Variants in SPRED2 observed in about 807,000 individuals in gnomAD.
The protein encoded by SPRED2 is sprouty related EVH1 domain containing 2.
In SPRED2, 47 loss-of-function variants were observed where a neutral mutation model predicts 43.0. That is an observed-to-expected ratio of 1.09 (90% CI 0.87 to 1.40). SPRED2 has a LOEUF of 1.40. Ranked by LOEUF, SPRED2 falls within the 40% of genes most tolerant of loss-of-function variation. The pLI, the probability that SPRED2 is intolerant of heterozygous loss-of-function variation, is 0.00. For missense variants in SPRED2, 561 were observed against 586.4 expected, an observed-to-expected ratio of 0.96 and a Z score of 0.45; for synonymous variants, 225 against 225.7, an observed-to-expected ratio of 1.00 and a Z score of 0.03.
At chr2:65,354,846 A>G (rs886073217) in intron 1 of SPRED2, among the ~76,000 whole-genome samples, 1 of 152,224 alleles carries the variant, frequency 6.6e-6, no homozygotes, top group Admixed American at 6.5e-5. Flanking sequence ...TAGCTTCAGC[A>G]CACAGGCAGC....
rs1401345926 is a variant in SPRED2 at position 65,313,334 on chromosome 2, C to T, written c.*167G>A. The T allele has an allele frequency of 2.1e-6, 3 of 1,461,200 alleles. No individual in the cohort carries two copies. The African/African-American group carries it at 4.3e-5, about 21-fold the overall frequency. The allele number at this position is 1,461,200 out of a possible 1,614,324, so 90.5% of individuals were successfully genotyped here. A position where few individuals can be genotyped will look rare whatever the true frequency, so the allele number is the denominator to read the frequency against. Reference sequence around the variant, plus strand: ...GGCGGCAGGGGGAGTGGAGAGTCTACCCGGCAGCGTCCCTGGCTGGAATGG... The same window carrying T: ...GGCGGCAGGGGGAGTGGAGAGTCTATCCGGCAGCGTCCCTGGCTGGAATGG... On this transcript the variant is annotated 3_prime_UTR_variant, in exon 6 of 6. Coordinates refer to ENST00000356388, the MANE Select transcript of SPRED2 (RefSeq NM_181784.3).
chr2:65,378,431 C>A (rs1675295724), intron 1 of SPRED2, among the ~76,000 whole-genome samples: 1 of 152,152 alleles, frequency 6.6e-6, no homozygotes. Flanking sequence ...CTGCAGTCCA[C>A]CCCCTCCATA....
chr2:65,312,715 A>C lies in SPRED2; in HGVS notation c.*786T>G. On this transcript the variant is annotated 3_prime_UTR_variant, in exon 6 of 6. Coordinates refer to ENST00000356388, the MANE Select transcript of SPRED2 (RefSeq NM_181784.3). The stretch of plus-strand genomic sequence containing the variant: ...GAAATCCCCATTCTAGCCCTGGTCC[A>C]AGAGGATGCAATGCAGTTGAAGGAA... 1.0e-6 allele frequency: 1 copy of C among 985,868 alleles called. No individual in the cohort carries two copies. The highest frequency in any genetic ancestry group is 1.2e-6 in the Non-Finnish European group (1 of 829,934). The allele number at this position is 985,868 out of a possible 1,614,324, so 61.1% of individuals were successfully genotyped here.
At chr2:65,401,818 T>C (rs796608313) in intron 1 of SPRED2, among the ~76,000 whole-genome samples, 1 of 150,920 alleles carries the variant, frequency 6.6e-6, no homozygotes, top group African/African-American at 2.4e-5. Context: ...AATAAATAAA[T>C]AAATAAAAAA....
chr2:65,337,302 G>A (rs546130915), intron 2 of SPRED2, among the ~76,000 whole-genome samples: 2 of 151,924 alleles, frequency 1.3e-5, no homozygotes, highest in South Asian at 2.1e-4. Flanking sequence ...GTTTTGGCAC[G>A]CACACAATTA....
intron 4 of SPRED2, among the ~76,000 whole-genome samples, chr2:65,326,422 C>T (rs566117259): frequency 5.9e-5 from 9 of 152,316 alleles, no homozygotes; most frequent in Admixed American, 3.9e-4. Context: ...CAGGTAGCTC[C>T]GGCTCATCTG....
intron 1 of SPRED2, among the ~76,000 whole-genome samples, chr2:65,366,117 G>A (rs1198491639): frequency 2.6e-5 from 4 of 152,064 alleles, no homozygotes; most frequent in Non-Finnish European, 5.9e-5. Context: ...CGCATCATGG[G>A]GGTAGGAAAA....
downstream of SPRED2, among the ~76,000 whole-genome samples, chr2:65,307,702 T>C (rs1672969160): frequency 1.3e-5 from 2 of 152,182 alleles, no homozygotes; most frequent in Admixed American, 6.5e-5. Flanking sequence ...ACGGCACCAA[T>C]AGCACCAGTG....
At chr2:65,384,072 C>T (rs1675436627) in intron 1 of SPRED2, among the ~76,000 whole-genome samples, 1 of 150,748 alleles carries the variant, frequency 6.6e-6, no homozygotes, top group Admixed American at 6.6e-5. Flanking sequence ...ACTTCTTTCT[C>T]CTGCATTCTT....
chr2:65,414,988 G>C (rs1676241013), intron 1 of SPRED2, among the ~76,000 whole-genome samples: 1 of 152,158 alleles, frequency 6.6e-6, no homozygotes. Flanking sequence ...GGTAGACACA[G>C]AGTCTTGCTA....
At chr2:65,347,445 GACA>G (rs960740183) in intron 1 of SPRED2, among the ~76,000 whole-genome samples, 13 of 152,056 alleles carry the variant, frequency 8.5e-5, no homozygotes, top group Non-Finnish European at 1.8e-4. Flanking sequence ...GTCCCCCAAA[GACA>G]ACTTCACATG....
chr2:65,360,667 C>T (rs549294323), intron 1 of SPRED2, among the ~76,000 whole-genome samples: 75 of 152,000 alleles, frequency 4.9e-4, no homozygotes, highest in African/African-American at 1.7e-3. Context: ...TTGCCAGAGG[C>T]GGGGGGCTGG....
At chr2:65,419,744 T>C (rs570774968) in intron 1 of SPRED2, among the ~76,000 whole-genome samples, 3 of 152,312 alleles carry the variant, frequency 2.0e-5, no homozygotes, top group Admixed American at 2.0e-4. Flanking sequence ...GTAATACATA[T>C]GCTTGGGAGA....
chr2:65,345,168 T>G (rs1227484842), intron 1 of SPRED2, among the ~76,000 whole-genome samples: 1 of 152,128 alleles, frequency 6.6e-6, no homozygotes, highest in Non-Finnish European at 1.5e-5. Context: ...TTCTCCAGTT[T>G]CTAGGTGTAA....
chr2:65,334,721 G>T lies in SPRED2; in HGVS notation c.257C>A (p.Pro86Gln). 6.2e-7 allele frequency: 1 copy of T among 1,614,160 alleles called. No homozygotes were observed. Among genetic ancestry groups the T allele is most frequent in the Non-Finnish European group, 8.5e-7 (1 of 1,180,034 alleles). Residue 86 changes from proline (P) to glutamine (Q), a missense_variant, in exon 3 of 6, where the codon CCA becomes CAA. This residue lies in a region of SPRED2 where 305 missense variants were observed against 282.4 expected (regional missense o/e 1.08). Transcript: ENST00000356388. ...ATCGACCTTCCAGTGATGAAACGTTGGATTGGCTTTGGTGTAGACCAAGTC... is the reference window on the plus strand; with the variant it reads ...ATCGACCTTCCAGTGATGAAACGTTTGATTGGCTTTGGTGTAGACCAAGTC... ...RKDLVYTKANPTFHHWKVDNR... is the reference protein window; with the variant it reads ...RKDLVYTKANQTFHHWKVDNR...
chr2:65,421,024 C>A (rs1031438693), intron 1 of SPRED2, among the ~76,000 whole-genome samples: 3 of 152,188 alleles, frequency 2.0e-5, no homozygotes, highest in Non-Finnish European at 4.4e-5. Context: ...AGGGCGGCAG[C>A]CTTTCCGTGC....
rs752613258 is a variant in SPRED2 at position 65,404,074 on chromosome 2, G to A, written c.26+27888C>T. ...ACAAAAACTAGCTGGGCATGGTGGC[G>A]GATGCCTGTAGTCCCAGCTACTCAG... On this transcript the variant is annotated intron_variant, in intron 1 of 5. Coordinates refer to ENST00000356388, the MANE Select transcript of SPRED2 (RefSeq NM_181784.3). Among the ~76,000 whole-genome samples, 2 of 151,926 alleles carry A rather than the reference G, an allele frequency of 1.3e-5. 1 individual carries two copies. The highest frequency in any genetic ancestry group is 1.3e-4 in the Admixed American group (2 of 15,242).
At chr2:65,310,776 T>C (rs1165178239), downstream of SPRED2, 1 of 737,304 alleles carries the variant, frequency 1.4e-6, no homozygotes, top group Non-Finnish European at 1.7e-6. Context: ...CCATCCTGTA[T>C]GCGGGAACTC....
Position 65,338,221 on chromosome 2 carries a change from CTCTCCCTCTCCCG to C in SPRED2, c.205-3461_205-3449del, listed in dbSNP as rs1558657764. On this transcript the variant is annotated intron_variant, in intron 2 of 5. Coordinates refer to ENST00000356388, the MANE Select transcript of SPRED2 (RefSeq NM_181784.3). ...GTCTCCCTCTCCCTCTCCCGTCTCCCTCTCCCTCTCCCGTCTCCCTCTCCCGTCTCCCTCTCCC... is the reference window on the plus strand; with the variant it reads ...GTCTCCCTCTCCCTCTCCCGTCTCCCTCTCCCTCTCCCGTCTCCCTCTCCC... Among the ~76,000 whole-genome samples the C allele has an allele frequency of 1.2e-3, 107 of 92,808 alleles. 2 individuals carry two copies. Among genetic ancestry groups the C allele is most frequent in the African/African-American group, 4.4e-3 (94 of 21,248 alleles). The allele number at this position is 92,808 out of a possible 152,430, so 60.9% of individuals were successfully genotyped here. A position where few individuals can be genotyped will look rare whatever the true frequency, so the allele number is the denominator to read the frequency against.
Sources: allele counts gnomAD v4.1 joint callset (sites outside exome capture counted in the v4.1 genomes callset), GRCh38; gene constraint gnomAD v4.1.1; regional missense constraint gnomAD v4.1.1; transcripts MANE v1.5; gene names NCBI Gene and HGNC (gene_info 2026-07-23, HGNC 2026-07-21).